The following SBF2 variants were observed in gnomAD, a reference collection of about 807,000 sequenced individuals.
The protein encoded by SBF2 is SET binding factor 2.
Under a neutral mutation model 225.2 loss-of-function variants are expected in SBF2, and 112 were observed. The observed-to-expected ratio is 0.50, with a 90% CI of 0.43 to 0.58. The LOEUF is 0.58. Among genes scored for constraint, SBF2 ranks in the 20% least tolerant of loss-of-function variants. The probability of loss-of-function intolerance (pLI) is 0.00; values close to 1 mark genes in which losing one functional copy is unlikely to be tolerated. For synonymous variants in SBF2, 763 were observed against 773.3 expected, an observed-to-expected ratio of 0.99 and a Z score of 0.22; for missense variants, 1,996 against 2,206.2, an observed-to-expected ratio of 0.90 and a Z score of 1.91.
chr11:10,230,451 G>T lies in SBF2; in HGVS notation c.56-36464C>A, dbSNP rs1289776884. Among the ~76,000 whole-genome samples the T allele has an allele frequency of 2.0e-5, 3 of 152,184 alleles. No homozygotes were observed. In the South Asian group the frequency reaches 6.2e-4, roughly 32 times the overall value. On this transcript the variant is annotated intron_variant, in intron 1 of 39. Transcript: ENST00000256190. Reference sequence around the variant, plus strand: ...CATGTTTTTGCAGTGGCTGGTACCGGTTGTTCCTTTCCATGTTTAGTGCTT... The same window carrying T: ...CATGTTTTTGCAGTGGCTGGTACCGTTTGTTCCTTTCCATGTTTAGTGCTT...
chr11:10,263,721 T>C (rs1032534765), intron 1 of SBF2, among the ~76,000 whole-genome samples: 2 of 152,078 alleles, frequency 1.3e-5, no homozygotes, highest in African/African-American at 2.4e-5. Flanking sequence ...AAAAATGACA[T>C]AGAAGAATAT....
intron 17 of SBF2, among the ~76,000 whole-genome samples, chr11:9,860,420 C>T (rs1590245239): frequency 6.6e-6 from 1 of 151,924 alleles, no homozygotes; most frequent in East Asian, 1.9e-4. Flanking sequence ...TACAGGTGTG[C>T]TCCACCACAC....
chr11:10,163,128 A>G (rs1362545399), intron 2 of SBF2, among the ~76,000 whole-genome samples: 1 of 152,214 alleles, frequency 6.6e-6, no homozygotes, highest in Non-Finnish European at 1.5e-5. Context: ...AAAAGCTGAA[A>G]TCACAACTCT....
At chr11:10,001,132 A>C in intron 7 of SBF2, 110 bp from the exon 8 acceptor site, 1 of 668,036 alleles carries the variant, frequency 1.5e-6, no homozygotes, top group Non-Finnish European at 2.7e-6. Flanking sequence ...AGAAATTATC[A>C]ATAATGTTTT....
intron 6 of SBF2, among the ~76,000 whole-genome samples, chr11:10,028,111 A>T (rs1949114968): frequency 6.6e-6 from 1 of 151,952 alleles, no homozygotes; most frequent in South Asian, 2.1e-4. Context: ...ATGGGGTCTC[A>T]CTATGTTGTC....
intron 2 of SBF2, among the ~76,000 whole-genome samples, chr11:10,146,066 A>T (rs1954870326): frequency 6.6e-6 from 1 of 152,230 alleles, no homozygotes; most frequent in Admixed American, 6.5e-5. Context: ...TGCTCAAAGA[A>T]ATCAGAGATG....
At chr11:9,810,039 G>C (rs531123544) in intron 30 of SBF2, among the ~76,000 whole-genome samples, 10 of 152,316 alleles carry the variant, frequency 6.6e-5, no homozygotes, top group African/African-American at 2.4e-4. Flanking sequence ...CACTTTGGGA[G>C]GTTGAAGCAG....
intron 16 of SBF2, among the ~76,000 whole-genome samples, chr11:9,917,863 G>A (rs1863239204): frequency 6.6e-6 from 1 of 151,286 alleles, no homozygotes; most frequent in Admixed American, 6.6e-5. Flanking sequence ...GATATATCCT[G>A]AACTCAATTA....
chr11:9,809,058 C>A, intron 30 of SBF2, 56 bp from the exon 31 acceptor site: 2 of 1,326,940 alleles, frequency 1.5e-6, no homozygotes, highest in South Asian at 2.4e-5. Context: ...GTGCAGAAGT[C>A]AGAGAGAGTT....
intron 2 of SBF2, among the ~76,000 whole-genome samples, chr11:10,123,447 A>C (rs1256099600): frequency 6.6e-6 from 1 of 152,200 alleles, no homozygotes; most frequent in African/African-American, 2.4e-5. Context: ...GGGTAGTTTT[A>C]TAAATCCCGA....
At chr11:10,125,835 C>G (rs181988710) in intron 2 of SBF2, among the ~76,000 whole-genome samples, 8 of 152,168 alleles carry the variant, frequency 5.3e-5, no homozygotes, top group Admixed American at 4.6e-4. Context: ...TCTTTTTTTC[C>G]CATAAACTTG....
chr11:10,263,587 A>C (rs758071217), intron 1 of SBF2, among the ~76,000 whole-genome samples: 18 of 152,156 alleles, frequency 1.2e-4, no homozygotes, highest in Non-Finnish European at 2.4e-4. Context: ...CTTACTACTA[A>C]TAAGTACCTA....
chr11:9,914,080 A>G lies in SBF2; in HGVS notation c.1861-18069T>C, dbSNP rs1489110664. Among the ~76,000 whole-genome samples, 3 of 152,236 alleles carry G rather than the reference A, an allele frequency of 2.0e-5. No individual in the cohort carries two copies. The East Asian group carries it at 5.8e-4, about 29-fold the overall frequency. On this transcript the variant is annotated intron_variant, in intron 16 of 39. Transcript: ENST00000256190. ...ATTATGAGGCATACTAAAAGGCCAA[A>G]AACATAGACTGAAGAGACAGCAAGT...
chr11:10,120,366 G>A (rs1349266653), intron 2 of SBF2, among the ~76,000 whole-genome samples: 1 of 152,152 alleles, frequency 6.6e-6, no homozygotes, highest in East Asian at 1.9e-4. Context: ...CTTGGCTGCA[G>A]TAAATAATGC....
intron 2 of SBF2, among the ~76,000 whole-genome samples, chr11:10,127,415 G>C (rs1565259882): frequency 6.6e-6 from 1 of 152,038 alleles, no homozygotes; most frequent in South Asian, 2.1e-4. Context: ...TATTCTAAAA[G>C]AGTCATGCTA....
intron 2 of SBF2, among the ~76,000 whole-genome samples, chr11:10,126,770 G>C (rs1283188642): frequency 6.6e-6 from 1 of 152,048 alleles, no homozygotes; most frequent in Non-Finnish European, 1.5e-5. Context: ...TAGCCAAAAA[G>C]TGAAAGTAAT....
chr11:9,934,822 AT>A (rs1247343647), intron 16 of SBF2, among the ~76,000 whole-genome samples: 2 of 152,220 alleles, frequency 1.3e-5, no homozygotes, highest in African/African-American at 2.4e-5. Context: ...AATAAGAGCT[AT>A]TTATGACAAA....
intron 3 of SBF2, among the ~76,000 whole-genome samples, chr11:10,034,914 A>G (rs1297618634): frequency 6.6e-6 from 1 of 152,206 alleles, no homozygotes; most frequent in Non-Finnish European, 1.5e-5. Flanking sequence ...ACATGTCTAC[A>G]TGATCAAACC....
chr11:10,160,985 G>A (rs181004063), intron 2 of SBF2, among the ~76,000 whole-genome samples: 86 of 152,056 alleles, frequency 5.7e-4, no homozygotes, highest in Non-Finnish European at 1.1e-3. Flanking sequence ...CCAGGAGTTC[G>A]AGACACGCCT....
Sources: allele counts gnomAD v4.1 joint callset (sites outside exome capture counted in the v4.1 genomes callset), GRCh38; gene constraint gnomAD v4.1.1; transcripts MANE v1.5; gene names NCBI Gene and HGNC (gene_info 2026-07-23, HGNC 2026-07-21).